The following EMC8 variants were observed in gnomAD, a reference collection of about 807,000 sequenced individuals.
EMC8 encodes the protein ER membrane protein complex subunit 8.
In EMC8, 11 loss-of-function variants were observed where a neutral mutation model predicts 24.3. That is an observed-to-expected ratio of 0.45 (90% CI 0.28 to 0.75). The LOEUF (loss-of-function observed/expected upper bound fraction) is 0.75. Ranked by LOEUF, EMC8 falls within the 30% of genes least tolerant of loss-of-function variation. The pLI is 0.12. For missense variants in EMC8, 277 were observed against 282.7 expected (o/e 0.98, Z 0.14); for synonymous variants, 145 against 117.7 (o/e 1.23, Z -1.50).
chr16:85,794,810 G>C (rs77993455), intron 1 of EMC8, among the ~76,000 whole-genome samples: 1 of 152,176 alleles, frequency 6.6e-6, no homozygotes, highest in Admixed American at 6.5e-5. Context: ...CTCATGTGGT[G>C]GGGGGAGGTG....
intron 1 of EMC8, among the ~76,000 whole-genome samples, chr16:85,790,998 TA>T (rs1904983602): frequency 6.6e-6 from 1 of 152,168 alleles, no homozygotes; most frequent in Non-Finnish European, 1.5e-5. Flanking sequence ...GGCTAATTTT[TA>T]AATTTTTTGT....
intron 1 of EMC8, among the ~76,000 whole-genome samples, chr16:85,791,288 T>G (rs1221935033): frequency 1.3e-5 from 2 of 152,242 alleles, no homozygotes; most frequent in African/African-American, 4.8e-5. Flanking sequence ...AAACCGTACT[T>G]GATTAAAGTG....
At chr16:85,795,000 G>A (rs1213091040) in intron 1 of EMC8, among the ~76,000 whole-genome samples, 2 of 152,176 alleles carry the variant, frequency 1.3e-5, no homozygotes, top group East Asian at 3.9e-4. Flanking sequence ...CTCCCCCGTG[G>A]AAAATTCATG....
chr16:85,793,465 G>T (rs1280173089), intron 1 of EMC8, among the ~76,000 whole-genome samples: 3 of 152,140 alleles, frequency 2.0e-5, no homozygotes, highest in Non-Finnish European at 4.4e-5. Context: ...GAGGTCAATG[G>T]GACCGAGATA....
At position 85,796,509 on chromosome 16, in the gene EMC8, C is replaced by T. The variant is rs143583090; in HGVS notation, c.231+2556G>A. Among the ~76,000 whole-genome samples the T allele has an allele frequency of 1.5e-3, 230 of 152,302 alleles. 1 individual carries two copies. The highest frequency in any genetic ancestry group is 4.7e-3 in the African/African-American group (196 of 41,556). The stretch of plus-strand genomic sequence containing the variant: ...TCACTCGAAGGCACTGATCTGATCA[C>T]GCAACTCTCCTCCAGTGGCTTCCCT... On this transcript the variant is annotated intron_variant, in intron 1 of 4. Coordinates refer to ENST00000253457, the MANE Select transcript of EMC8 (RefSeq NM_006067.5).
intron 2 of EMC8, among the ~76,000 whole-genome samples, chr16:85,783,098 T>G (rs564683260): frequency 1.3e-5 from 2 of 152,146 alleles, no homozygotes; most frequent in South Asian, 4.2e-4. Flanking sequence ...AGGTCAGGAG[T>G]TCGAGACCAG....
At chr16:85,794,427 G>A (rs1350333217) in intron 1 of EMC8, among the ~76,000 whole-genome samples, 3 of 152,146 alleles carry the variant, frequency 2.0e-5, no homozygotes, top group African/African-American at 2.4e-5. Context: ...GGTGACTCAC[G>A]TCTGTAATCC....
chr16:85,785,350 A>G (rs1369129616), intron 2 of EMC8, among the ~76,000 whole-genome samples: 1 of 152,106 alleles, frequency 6.6e-6, no homozygotes, highest in African/African-American at 2.4e-5. Context: ...TGGGTGGATC[A>G]CTTGAGGTCA....
intron 1 of EMC8, among the ~76,000 whole-genome samples, chr16:85,790,578 A>G (rs2152075280): frequency 6.6e-6 from 1 of 152,282 alleles, no homozygotes; most frequent in South Asian, 2.1e-4. Context: ...ATACACTATC[A>G]AAGGGGCTTG....
intron 1 of EMC8, among the ~76,000 whole-genome samples, chr16:85,797,938 C>A (rs1905315906): frequency 6.6e-6 from 1 of 152,072 alleles, no homozygotes; most frequent in African/African-American, 2.4e-5. Flanking sequence ...GGTCTTTTTC[C>A]CTTCATTGAT....
intron 2 of EMC8, among the ~76,000 whole-genome samples, chr16:85,785,911 C>A (rs1327104265): frequency 1.3e-5 from 2 of 152,190 alleles, no homozygotes; most frequent in Admixed American, 6.5e-5. Flanking sequence ...CTCTGCCGGG[C>A]ACCGAAACCT....
chr16:85,796,586 C>CA (rs1195499476), intron 1 of EMC8, among the ~76,000 whole-genome samples: 1 of 152,204 alleles, frequency 6.6e-6, no homozygotes, highest in Non-Finnish European at 1.5e-5. Context: ...AAGGTCACTA[C>CA]AAAGCAATCT....
rs1459608868 is a variant in EMC8 at position 85,780,418 on chromosome 16, T to C, written c.434A>G (p.Glu145Gly). The C allele has an allele frequency of 6.2e-7, 1 of 1,614,114 alleles. No homozygotes were observed. Among genetic ancestry groups the C allele is most frequent in the Non-Finnish European group, 8.5e-7 (1 of 1,180,040 alleles). ...GCACCGCCATCTGTTCTCATGGTGC[T>C]CGTACACGTGGATCGTAGGCGCTAC... is the stretch of plus-strand genomic sequence containing the variant. Reference protein sequence around the residue: ...DCVAPTIHVYEHHENRWRCRD... With the variant: ...DCVAPTIHVYGHHENRWRCRD... Residue 145 changes from glutamate to glycine, a missense_variant, in exon 4 of 5, where the codon GAG (glutamate) becomes GGG (glycine). Physicochemically the swap from Glu to Gly is moderately conservative, Grantham distance 98 (BLOSUM62 -2). Coordinates refer to ENST00000253457, the MANE Select transcript of EMC8 (RefSeq NM_006067.5).
At position 85,780,569 on chromosome 16, in the gene EMC8, G is replaced by A. The variant is rs1214342271; in HGVS notation, c.379-96C>T. 26 of 804,602 alleles carry A rather than the reference G, an allele frequency of 3.2e-5. 1 individual carries two copies. The highest frequency in any genetic ancestry group is 3.0e-4 in the Admixed American group (15 of 49,724). 49.8% of individuals were successfully genotyped at this position (804,602 alleles called of 1,614,324 possible). ...GGGCTCTCCCTGCAGCCGTGCCCAC[G>A]CTGGCTGGGGCAGAGACTCTTCCGA... On this transcript the variant is annotated intron_variant, in intron 3 of 4. Coordinates refer to ENST00000253457, the MANE Select transcript of EMC8 (RefSeq NM_006067.5).
intron 1 of EMC8, 192 bp downstream of exon 1, chr16:85,798,873 C>T (rs1905419924): frequency 1.9e-6 from 1 of 533,508 alleles, no homozygotes; most frequent in South Asian, 2.7e-5. Context: ...AAAGTCGCTG[C>T]TACTACGGGA....
intron 2 of EMC8, among the ~76,000 whole-genome samples, chr16:85,783,546 C>T (rs967499801): frequency 6.6e-6 from 1 of 152,226 alleles, no homozygotes; most frequent in African/African-American, 2.4e-5. Context: ...CTGGTGCTCA[C>T]AGCCCCACAG....
chr16:85,799,275 G>A lies in EMC8; in HGVS notation c.21C>T (p.Thr7=), dbSNP rs745840387. 5 of 1,608,810 alleles carry A rather than the reference G, an allele frequency of 3.1e-6. No individual in the cohort carries two copies. In the African/African-American group the frequency reaches 5.3e-5, roughly 17 times the overall value. The change falls in exon 1 of 5, where the codon ACC becomes ACT. Residue 7 remains threonine (T), a synonymous_variant. Transcript: ENST00000253457. This position sits in a 1 kb window ranked among gnomAD's most constrained non-coding sequence, Gnocchi z 4.2. The stretch of plus-strand genomic sequence containing the variant: ...GCACCATCTTGCAGTAGGCCTGGGT[G>A]GTCAGTTTCACCCCGGGCATGCTGA... MPGVKL[T]TQAYCKMVLH...
At chr16:85,783,232 G>A (rs988432080) in intron 2 of EMC8, among the ~76,000 whole-genome samples, 2 of 152,210 alleles carry the variant, frequency 1.3e-5, no homozygotes, top group African/African-American at 2.4e-5. Flanking sequence ...GAACCCGGGA[G>A]GCGGGGGTGG....
In EMC8 at chr16:85,798,149, T is replaced by G. The variant is rs112656021; in HGVS notation, c.231+916A>C. Among the ~76,000 whole-genome samples the G allele has an allele frequency of 4.0e-3, 541 of 134,934 alleles. 6 individuals carry two copies. Among genetic ancestry groups the G allele is most frequent in the African/African-American group, 0.014 (488 of 35,158 alleles). The allele number at this position is 134,934 out of a possible 152,430, so 88.5% of individuals were successfully genotyped here. A position where few individuals can be genotyped will look rare whatever the true frequency, so the allele number is the denominator to read the frequency against. ...TTTTTTTTTTTTTTTTGAGACGGAGTCTTGCTCTGTCACCCAGGCTGGAGT... is the reference window on the plus strand; with the variant it reads ...TTTTTTTTTTTTTTTTGAGACGGAGGCTTGCTCTGTCACCCAGGCTGGAGT... On this transcript the variant is annotated intron_variant, in intron 1 of 4. Transcript: ENST00000253457.
Sources: gnomAD v4.1 joint callset for allele counts (sites outside exome capture counted in the v4.1 genomes callset) on GRCh38, gnomAD v4.1.1 for gene constraint, Gnocchi (gnomAD v3.1) non-coding constraint, MANE v1.5 for transcripts, NCBI Gene and HGNC (gene_info 2026-07-23, HGNC 2026-07-21) for gene names.